CCDC146: variants seen among roughly 807,000 people sequenced by gnomAD.
CCDC146 encodes the protein coiled-coil domain-containing protein 146.
A neutral mutation model predicts 119.3 loss-of-function variants in CCDC146; 92 were observed. The observed-to-expected ratio is 0.77, with a 90% confidence interval of 0.65 to 0.92. The LOEUF is 0.92. Ranked by LOEUF, CCDC146 falls within the 40% of genes least tolerant of loss-of-function variation. CCDC146 has a pLI of 0.00. For missense variants in CCDC146, 1,000 were observed against 1,103.0 expected (o/e 0.91, Z 1.32); for synonymous variants, 372 against 371.8 (o/e 1.00, Z -0.01).
At chr7:77,205,442 C>T (rs1411631846) in intron 2 of CCDC146, among the ~76,000 whole-genome samples, 3 of 152,066 alleles carry the variant, frequency 2.0e-5, no homozygotes, top group Admixed American at 6.6e-5. Context: ...GTGTTTTCTC[C>T]GTAAGACACA....
chr7:77,294,529 C>T lies in CCDC146; in HGVS notation c.2665-134C>T, dbSNP rs761471667. 3.7e-4 allele frequency: 254 copies of T among 678,748 alleles called. 1 individual carries two copies. Among genetic ancestry groups the T allele is most frequent in the Non-Finnish European group, 5.8e-4 (227 of 393,498 alleles). 42.0% of individuals were successfully genotyped at this position (678,748 alleles called of 1,614,324 possible). On this transcript the variant is annotated intron_variant, in intron 18 of 18. Coordinates refer to ENST00000285871, the MANE Select transcript of CCDC146 (RefSeq NM_020879.3). ...GTGGTGTGATTCTACCCTCCTACCC[C>T]TCCCATCCCTTTGGGGAGTATCAGC...
chr7:77,199,488 C>T (rs1311711875), intron 2 of CCDC146: 1 of 1,614,142 alleles, frequency 6.2e-7, no homozygotes, highest in Non-Finnish European at 8.5e-7. Flanking sequence ...TGTCATCAGC[C>T]TGCAGCTTGC....
intron 2 of CCDC146, among the ~76,000 whole-genome samples, chr7:77,207,463 G>T (rs567447918): frequency 5.6e-4 from 85 of 152,168 alleles, no homozygotes; most frequent in African/African-American, 1.9e-3. Flanking sequence ...GTGTTTATTT[G>T]TAGGCAGTAT....
At chr7:77,168,545 A>C (rs1459996827) in intron 2 of CCDC146, among the ~76,000 whole-genome samples, 2 of 152,098 alleles carry the variant, frequency 1.3e-5, no homozygotes, top group African/African-American at 4.8e-5. Context: ...TAAGGCAAAA[A>C]CAGTTTATTA....
chr7:77,196,910 G>T lies in CCDC146; in HGVS notation c.156+29086G>T, dbSNP rs1359639339. 4.3e-6 allele frequency: 7 copies of T among 1,613,774 alleles called. No individual in the cohort carries two copies. Among genetic ancestry groups the T allele is most frequent in the Non-Finnish European group, 5.9e-6 (7 of 1,179,926 alleles). On this transcript the variant is annotated intron_variant, in intron 2 of 18. Coordinates refer to ENST00000285871, the MANE Select transcript of CCDC146 (RefSeq NM_020879.3). The surrounding 1 kb of genome is among the most constrained non-coding windows in gnomAD (Gnocchi z 4.2). ...AAAGCTACTATTTTTGGGATCAGGT[G>T]TAACTCTGTAGGTCTCACTGCTTCT...
intron 2 of CCDC146, among the ~76,000 whole-genome samples, chr7:77,206,685 A>AC (rs1221493719): frequency 6.8e-6 from 1 of 146,650 alleles, no homozygotes. Flanking sequence ...ACACACACAC[A>AC]CACACATACA....
chr7:77,131,180 A>C (rs1790780984), intron 1 of CCDC146, among the ~76,000 whole-genome samples: 1 of 151,970 alleles, frequency 6.6e-6, no homozygotes, highest in African/African-American at 2.4e-5. Context: ...ATAATAGTCA[A>C]ATTGTCCATC....
At chr7:77,220,403 TACAA>T (rs1386455412) in intron 2 of CCDC146, among the ~76,000 whole-genome samples, 1 of 152,218 alleles carries the variant, frequency 6.6e-6, no homozygotes, top group Admixed American at 6.5e-5. Flanking sequence ...ACACATGTTT[TACAA>T]ACAATTTGTA....
chr7:77,262,286 G>C lies in CCDC146; in HGVS notation c.1152G>C (p.Leu384=). 1.2e-6 allele frequency: 2 copies of C among 1,604,768 alleles called. No individual in the cohort carries two copies. The highest frequency in any genetic ancestry group is 1.7e-6 in the Non-Finnish European group (2 of 1,175,838). The part of the protein sequence containing the change: ...SWDALRQTQA[L]HQRLLLEMEA... The stretch of plus-strand genomic sequence containing the variant: ...ATGCACTTAGGCAAACTCAAGCACT[G>C]CATCAAAGGCTTCTATTAGAGGTGA... Residue 384 remains leucine (L), a synonymous_variant, in exon 9 of 19, where the codon CTG becomes CTC. Transcript: ENST00000285871.
chr7:77,192,165 G>A (rs1318829655), intron 2 of CCDC146, among the ~76,000 whole-genome samples: 3 of 151,996 alleles, frequency 2.0e-5, no homozygotes, highest in Non-Finnish European at 2.9e-5. Flanking sequence ...CGCCCACCTC[G>A]GCCTCCCAAA....
chr7:77,145,082 G>A (rs1030402013), intron 1 of CCDC146, among the ~76,000 whole-genome samples: 15 of 151,610 alleles, frequency 9.9e-5, no homozygotes, highest in African/African-American at 3.4e-4. Context: ...ATTAATTATT[G>A]CCTCAATTTC....
In CCDC146 at chr7:77,196,009, A is replaced by G; in HGVS notation, c.156+28185A>G. On this transcript the variant is annotated intron_variant, in intron 2 of 18. Transcript: ENST00000285871. This position sits in a 1 kb window ranked among gnomAD's most constrained non-coding sequence, Gnocchi z 4.2. ...AATACAAGCAATAGAAAAAGTTTCAATAGAAATTAAAAGAATTGTAAATCT... is the reference window on the plus strand; with the variant it reads ...AATACAAGCAATAGAAAAAGTTTCAGTAGAAATTAAAAGAATTGTAAATCT... 2.7e-6 allele frequency: 1 copy of G among 367,398 alleles called. No individual in the cohort carries two copies. The allele number at this position is 367,398 out of a possible 1,614,324, so 22.8% of individuals were successfully genotyped here. A position where few individuals can be genotyped will look rare whatever the true frequency, so the allele number is the denominator to read the frequency against.
chr7:77,154,981 AT>A (rs1178239551), intron 1 of CCDC146, among the ~76,000 whole-genome samples: 1 of 152,158 alleles, frequency 6.6e-6, no homozygotes, highest in Non-Finnish European at 1.5e-5. Context: ...AACAGGCAGA[AT>A]TTCTACTTTA....
intron 1 of CCDC146, among the ~76,000 whole-genome samples, chr7:77,151,842 C>T (rs1219702779): frequency 1.3e-5 from 2 of 152,118 alleles, no homozygotes; most frequent in Admixed American, 6.6e-5. Flanking sequence ...CTGCATTCCC[C>T]GCTGGCTCTC....
rs1479569419 is a variant in CCDC146, at chr7:77,236,805, A to G, written c.157-142A>G. On this transcript the variant is annotated intron_variant, in intron 2 of 18. Transcript: ENST00000285871. ...GCACTATTTTCTCCAAACACCTGGCATGTTTCCAGTACACTACATTGCCTC... is the reference window on the plus strand; with the variant it reads ...GCACTATTTTCTCCAAACACCTGGCGTGTTTCCAGTACACTACATTGCCTC... 4 of 623,216 alleles carry G rather than the reference A, an allele frequency of 6.4e-6. No individual in the cohort carries two copies. The African/African-American group carries it at 7.4e-5, about 11-fold the overall frequency. The allele number at this position is 623,216 out of a possible 1,614,324, so 38.6% of individuals were successfully genotyped here.
In CCDC146 at chr7:77,295,075, ATT is replaced by A; in HGVS notation, c.*211_*212del. Reference sequence around the variant, plus strand: ...TGAATGGGACATAGAACTGTCCTACATTTATGTCAAAGTATATATTTGAATCG... The same window carrying A: ...TGAATGGGACATAGAACTGTCCTACATATGTCAAAGTATATATTTGAATCG... On this transcript the variant is annotated 3_prime_UTR_variant, in exon 19 of 19. Coordinates refer to ENST00000285871, the MANE Select transcript of CCDC146 (RefSeq NM_020879.3). The A allele has an allele frequency of 3.8e-6, 2 of 526,280 alleles. No individual in the cohort carries two copies. Among genetic ancestry groups the A allele is most frequent in the South Asian group, 2.6e-5 (1 of 38,358 alleles). The allele number at this position is 526,280 out of a possible 1,614,324, so 32.6% of individuals were successfully genotyped here.
At chr7:77,199,675 G>A in intron 2 of CCDC146, 1 of 1,614,150 alleles carries the variant, frequency 6.2e-7, no homozygotes, top group African/African-American at 1.3e-5. Flanking sequence ...TAGTCTCACT[G>A]GGCAGACATC....
At chr7:77,208,473 G>C (rs1314688219) in intron 2 of CCDC146, among the ~76,000 whole-genome samples, 1 of 152,154 alleles carries the variant, frequency 6.6e-6, no homozygotes, top group Non-Finnish European at 1.5e-5. Flanking sequence ...AATGGTATTT[G>C]TGTATCTAAA....
intron 2 of CCDC146, among the ~76,000 whole-genome samples, chr7:77,234,655 A>G (rs1294784104): frequency 6.6e-6 from 1 of 152,146 alleles, no homozygotes; most frequent in African/African-American, 2.4e-5. Flanking sequence ...GAATTGCTAG[A>G]ACCCGGGAGG....
Sources: gnomAD v4.1 joint callset for allele counts (sites outside exome capture counted in the v4.1 genomes callset) on GRCh38, gnomAD v4.1.1 for gene constraint, Gnocchi (gnomAD v3.1) non-coding constraint, MANE v1.5 for transcripts, NCBI Gene and HGNC (gene_info 2026-07-23, HGNC 2026-07-21) for gene names.